Variants in PVT1 observed in about 807,000 individuals in gnomAD.
The protein encoded by PVT1 is Pvt1 oncogene.
At chr8:127,887,936 T>TG (rs1185851821) in intron 2 of PVT1, among the ~76,000 whole-genome samples, 6 of 121,152 alleles carry the variant, frequency 5.0e-5, no homozygotes, top group Non-Finnish European at 1.0e-4. Flanking sequence ...ATCTTGTTTT[T>TG]TTTTTTTTTT....
intron 2 of PVT1, among the ~76,000 whole-genome samples, chr8:127,818,678 C>A (rs1814694195): frequency 6.6e-6 from 1 of 152,172 alleles, no homozygotes; most frequent in African/African-American, 2.4e-5. Context: ...GATTTGAATT[C>A]CCCCTCTGCC....
chr8:127,985,955 C>T (rs894221945), intron 3 of PVT1, among the ~76,000 whole-genome samples: 14 of 152,174 alleles, frequency 9.2e-5, no homozygotes, highest in African/African-American at 3.4e-4. Flanking sequence ...ATCTGCCCAC[C>T]CAGTTGGCCC....
chr8:127,904,974 C>T (rs917253854), intron 3 of PVT1, among the ~76,000 whole-genome samples: 4 of 152,200 alleles, frequency 2.6e-5, no homozygotes, highest in Non-Finnish European at 5.9e-5. Context: ...GTTCAGGCTT[C>T]GTATTGACTT....
At chr8:127,800,894 C>T (rs1025917464) in intron 2 of PVT1, among the ~76,000 whole-genome samples, 1 of 152,154 alleles carries the variant, frequency 6.6e-6, no homozygotes, top group African/African-American at 2.4e-5. Flanking sequence ...GGGAACAGGC[C>T]TAGCAGGGTC....
chr8:127,928,192 A>G (rs1476648675), intron 3 of PVT1, among the ~76,000 whole-genome samples: 2 of 152,240 alleles, frequency 1.3e-5, no homozygotes, highest in African/African-American at 4.8e-5. Flanking sequence ...TCTGATAGAT[A>G]GGGTTCCTCA....
intron 5 of PVT1, among the ~76,000 whole-genome samples, chr8:128,091,172 C>T (rs1458295144): frequency 3.3e-5 from 5 of 152,100 alleles, no homozygotes; most frequent in South Asian, 2.1e-4. Flanking sequence ...TCCCTGGGGG[C>T]GATCACTCCT....
At chr8:127,847,748 A>G (rs1815052504) in intron 2 of PVT1, among the ~76,000 whole-genome samples, 1 of 152,154 alleles carries the variant, frequency 6.6e-6, no homozygotes. Flanking sequence ...TTTCTGTAAA[A>G]AAAAAGCATG....
intron 3 of PVT1, among the ~76,000 whole-genome samples, chr8:127,949,902 C>A (rs921104731): frequency 1.3e-5 from 2 of 152,258 alleles, no homozygotes; most frequent in African/African-American, 4.8e-5. Context: ...CCCTGCCCAG[C>A]GGCTGGATTC....
intron 2 of PVT1, among the ~76,000 whole-genome samples, chr8:127,876,758 C>T (rs12546258): frequency 2.0e-5 from 3 of 152,196 alleles, no homozygotes; most frequent in Non-Finnish European, 4.4e-5. Flanking sequence ...TCCTCCGTGG[C>T]GCTTGGGTGA....
chr8:127,963,577 C>G (rs1252527749), intron 3 of PVT1, among the ~76,000 whole-genome samples: 2 of 152,152 alleles, frequency 1.3e-5, no homozygotes, highest in Non-Finnish European at 2.9e-5. Context: ...CCCCACCCCC[C>G]TCCACCCTTT....
chr8:127,917,648 C>CA (rs1260336200), intron 3 of PVT1, among the ~76,000 whole-genome samples: 1 of 152,212 alleles, frequency 6.6e-6, no homozygotes, highest in African/African-American at 2.4e-5. Flanking sequence ...TTTGCGGTCT[C>CA]AAACCTCTGT....
rs183949604 is a variant in PVT1, at chr8:128,029,605, G to A, written n.912+40314G>A. ...TCATGAGGTTAGGAGTTCAAGGCCA[G>A]CCTGACCAACATGGTGAAACACCGT... On this transcript the variant is annotated intron_variant and non_coding_transcript_variant, in intron 4 of 10. Transcript: ENST00000651587. Among the ~76,000 whole-genome samples, 632 of 152,242 alleles carry A rather than the reference G, an allele frequency of 4.2e-3. 3 individuals are homozygous for A. The highest frequency in any genetic ancestry group is 0.014 in the African/African-American group (600 of 41,564).
At chr8:127,827,383 T>C (rs1190671910) in intron 2 of PVT1, among the ~76,000 whole-genome samples, 1 of 152,062 alleles carries the variant, frequency 6.6e-6, no homozygotes, top group African/African-American at 2.4e-5. Flanking sequence ...TTAGACTGAG[T>C]CCTAGACACT....
At chr8:127,915,458 C>T (rs1037917738) in intron 3 of PVT1, among the ~76,000 whole-genome samples, 5 of 151,512 alleles carry the variant, frequency 3.3e-5, no homozygotes, top group Admixed American at 6.6e-5. Context: ...ACTAAAAATA[C>T]GAAATTAGCC....
At chr8:128,093,117 T>A (rs1163435873) in intron 5 of PVT1, among the ~76,000 whole-genome samples, 1 of 152,246 alleles carries the variant, frequency 6.6e-6, no homozygotes, top group Non-Finnish European at 1.5e-5. Context: ...GGTTATTTGC[T>A]GCCATGTTCC....
intron 4 of PVT1, among the ~76,000 whole-genome samples, chr8:128,055,883 C>T (rs1813756748): frequency 6.6e-6 from 1 of 152,188 alleles, no homozygotes; most frequent in African/African-American, 2.4e-5. Context: ...CCATCACCTT[C>T]CCCTGGTAAA....
chr8:127,956,921 T>C (rs1189781021), intron 3 of PVT1, among the ~76,000 whole-genome samples: 1 of 152,242 alleles, frequency 6.6e-6, no homozygotes, highest in Non-Finnish European at 1.5e-5. Context: ...GAATGGCCTG[T>C]CATAGGCCTC....
chr8:127,828,318 C>G (rs1814813943), intron 2 of PVT1, among the ~76,000 whole-genome samples: 1 of 152,098 alleles, frequency 6.6e-6, no homozygotes, highest in Non-Finnish European at 1.5e-5. Flanking sequence ...AGGAGAGGCT[C>G]TGTAAAGTTC....
At chr8:128,036,031 G>A (rs1464194596) in intron 4 of PVT1, among the ~76,000 whole-genome samples, 3 of 152,228 alleles carry the variant, frequency 2.0e-5, no homozygotes, top group African/African-American at 7.2e-5. Flanking sequence ...ACAGCAGCGA[G>A]AGGAACTAAT....
Sources: allele counts gnomAD v4.1 joint callset (sites outside exome capture counted in the v4.1 genomes callset), GRCh38; gene constraint gnomAD v4.1.1; transcripts MANE v1.5; gene names NCBI Gene and HGNC (gene_info 2026-07-23, HGNC 2026-07-21).